The following HIVEP3 variants were observed in gnomAD, a reference collection of about 807,000 sequenced individuals.
HIVEP3 encodes the protein HIVEP zinc finger 3, also known as transcription factor HIVEP3.
HIVEP3 carries 49 observed loss-of-function variants against 152.8 expected under a neutral mutation model. The observed-to-expected ratio is 0.32, with a 90% confidence interval of 0.26 to 0.41. The LOEUF is 0.41. Ranked by LOEUF, HIVEP3 falls within the 10% of genes least tolerant of loss-of-function variation. The pLI is 1.00. For missense variants in HIVEP3, 2,790 were observed against 3,103.3 expected, an observed-to-expected ratio of 0.90 and a Z score of 2.40; for synonymous variants, 1,269 against 1,289.0, an observed-to-expected ratio of 0.98 and a Z score of 0.33.
chr1:41,935,054 T>G (rs1359027052), intron 1 of HIVEP3, among the ~76,000 whole-genome samples: 1 of 152,192 alleles, frequency 6.6e-6, no homozygotes, highest in African/African-American at 2.4e-5. Context: ...TTATTTATTC[T>G]AGTTTCCCCA....
intron 1 of HIVEP3, among the ~76,000 whole-genome samples, chr1:41,959,910 G>T (rs754724000): frequency 5.9e-5 from 9 of 152,110 alleles, no homozygotes; most frequent in Admixed American, 1.3e-4. Flanking sequence ...TGTCTTACTG[G>T]CAAGGGGGTA....
intron 2 of HIVEP3, among the ~76,000 whole-genome samples, chr1:41,690,895 G>A (rs1482513268): frequency 6.6e-6 from 1 of 152,184 alleles, no homozygotes; most frequent in African/African-American, 2.4e-5. Context: ...TCCAGCCTGG[G>A]TGACAAGAGT....
chr1:41,789,450 T>G (rs147258950), intron 1 of HIVEP3, among the ~76,000 whole-genome samples: 2,252 of 152,316 alleles, frequency 0.015, 23 homozygotes, highest in Non-Finnish European at 0.019. Context: ...AGCTGTGAGT[T>G]TATTTTACAC....
intron 1 of HIVEP3, among the ~76,000 whole-genome samples, chr1:41,729,339 T>A (rs1488591623): frequency 6.6e-6 from 1 of 152,184 alleles, no homozygotes; most frequent in Non-Finnish European, 1.5e-5. Flanking sequence ...TTGAGGCAAC[T>A]CACTCCAACT....
intron 3 of HIVEP3, among the ~76,000 whole-genome samples, chr1:41,602,058 T>C (rs1419801456): frequency 6.6e-6 from 1 of 152,228 alleles, no homozygotes; most frequent in Non-Finnish European, 1.5e-5. Flanking sequence ...TTAACTTTTG[T>C]ATATTGAACC....
chr1:41,654,578 C>G (rs1645602690), intron 2 of HIVEP3, among the ~76,000 whole-genome samples: 1 of 152,198 alleles, frequency 6.6e-6, no homozygotes. Context: ...TCTTACATAA[C>G]AAGGTATATT....
chr1:41,765,203 C>T (rs971442926), intron 1 of HIVEP3, among the ~76,000 whole-genome samples: 14 of 152,296 alleles, frequency 9.2e-5, no homozygotes, highest in Non-Finnish European at 2.9e-5. Flanking sequence ...AATTAATTAA[C>T]GTTTTCCCTC....
At chr1:41,925,343 T>C (rs1316314055) in intron 1 of HIVEP3, among the ~76,000 whole-genome samples, 2 of 152,176 alleles carry the variant, frequency 1.3e-5, no homozygotes, top group African/African-American at 4.8e-5. Flanking sequence ...AGTGATACCA[T>C]AAACAGTCAA....
Position 41,584,506 on chromosome 1 carries a change from G to A in HIVEP3, c.292C>T (p.His98Tyr). The part of the protein sequence containing the change: ...ASVHISQLPQ[H>Y]PLTPAFMSPG... ...GACATGAATGCTGGTGTCAGAGGGT[G>A]CTGCGGAAGCTGTGAGATGTGGACG... The change falls in exon 4 of 9, where the codon CAC (histidine) becomes TAC (tyrosine). Residue 98 changes from histidine to tyrosine, a missense_variant. Transcript: ENST00000372583. The surrounding 1 kb of genome is among the most constrained non-coding windows in gnomAD (Gnocchi z 5.2). The A allele has an allele frequency of 6.2e-7, 1 of 1,614,170 alleles. No individual in the cohort carries two copies. Among genetic ancestry groups the A allele is most frequent in the Non-Finnish European group, 8.5e-7 (1 of 1,180,038 alleles).
intron 1 of HIVEP3, among the ~76,000 whole-genome samples, chr1:42,002,205 G>A (rs1182465605): frequency 1.3e-5 from 2 of 152,088 alleles, no homozygotes; most frequent in Middle Eastern, 3.2e-3. Flanking sequence ...ATACCAAGAT[G>A]GGACCAAATT....
At chr1:41,606,257 C>T (rs1201095820) in intron 3 of HIVEP3, among the ~76,000 whole-genome samples, 8 of 151,900 alleles carry the variant, frequency 5.3e-5, no homozygotes, top group Non-Finnish European at 1.0e-4. Context: ...ACTTAAATTG[C>T]GATTTTCTGA....
chr1:41,581,571 G>A lies in HIVEP3; in HGVS notation c.3227C>T (p.Ser1076Phe), dbSNP rs1422416661. The change falls in exon 4 of 9, where the codon TCC (serine) becomes TTC (phenylalanine). Residue 1076 changes from serine (S) to phenylalanine (F), a missense_variant. Ser to Phe is a radical substitution (Grantham distance 155). This residue lies in a region of HIVEP3 where 1,078 missense variants were observed against 1,165.3 expected (regional missense o/e 0.93). Transcript: ENST00000372583. This position sits in a 1 kb window ranked among gnomAD's most constrained non-coding sequence, Gnocchi z 4.5. ...RQESEEPQPS[S>F]SKPSAKSSLS... ...TGAGCTTTTGGCAGAGGGTTTACTG[G>A]ATGAGGGCTGTGGTTCTTCGCTCTC... 4 of 1,611,620 alleles carry A rather than the reference G, an allele frequency of 2.5e-6. No homozygotes were observed. Among genetic ancestry groups the A allele is most frequent in the Non-Finnish European group, 3.4e-6 (4 of 1,179,092 alleles).
At chr1:41,592,483 A>G (rs1644602004) in intron 3 of HIVEP3, among the ~76,000 whole-genome samples, 1 of 152,246 alleles carries the variant, frequency 6.6e-6, no homozygotes, top group Non-Finnish European at 1.5e-5. Flanking sequence ...GCTGAGGAGA[A>G]TTCCACATGG....
chr1:41,581,613 G>A lies in HIVEP3; in HGVS notation c.3185C>T (p.Ala1062Val). ...TTCGCTCTCCTGTCTTCCCTTGGGG[G>A]CAACCTCCAACTCAGATTCTGGAGG... ...SRPPESELEV[A>V]PKGRQESEEP... The change falls in exon 4 of 9, where the codon GCC becomes GTC. Residue 1062 changes from alanine to valine, a missense_variant. This residue lies in a region of HIVEP3 where 1,078 missense variants were observed against 1,165.3 expected (regional missense o/e 0.93). Coordinates refer to ENST00000372583, the MANE Select transcript of HIVEP3 (RefSeq NM_024503.5). The surrounding 1 kb of genome is among the most constrained non-coding windows in gnomAD (Gnocchi z 4.5). The A allele has an allele frequency of 6.2e-7, 1 of 1,614,100 alleles. No individual in the cohort carries two copies. The highest frequency in any genetic ancestry group is 8.5e-7 in the Non-Finnish European group (1 of 1,180,004).
chr1:42,010,725 A>G (rs1270754986), intron 1 of HIVEP3, among the ~76,000 whole-genome samples: 1 of 152,182 alleles, frequency 6.6e-6, no homozygotes, highest in African/African-American at 2.4e-5. Flanking sequence ...AAAATCATTC[A>G]TAAGTTCAGA....
At chr1:41,864,330 C>T (rs1392797250) in intron 1 of HIVEP3, among the ~76,000 whole-genome samples, 1 of 152,210 alleles carries the variant, frequency 6.6e-6, no homozygotes, top group Admixed American at 6.5e-5. Flanking sequence ...AGACAATCAT[C>T]TCCCCATCCT....
At position 41,533,591 on chromosome 1, in the gene HIVEP3, G is replaced by A. The variant is rs781383478; in HGVS notation, c.5208-8681C>T. Among the ~76,000 whole-genome samples the A allele has an allele frequency of 6.6e-6, 1 of 152,102 alleles. No homozygotes were observed. Among genetic ancestry groups the A allele is most frequent in the Non-Finnish European group, 1.5e-5 (1 of 68,024 alleles). On this transcript the variant is annotated intron_variant, in intron 5 of 8. Transcript: ENST00000372583. The surrounding 1 kb of genome is among the most constrained non-coding windows in gnomAD (Gnocchi z 4.3). ...TGCCAAGGTCACAGCTTGCTCCATT[G>A]AAAGTCCATTTGCCTCATCCTGTCC... is the stretch of plus-strand genomic sequence containing the variant.
At chr1:41,706,245 ATTG>A (rs1175879766) in intron 1 of HIVEP3, among the ~76,000 whole-genome samples, 1 of 152,072 alleles carries the variant, frequency 6.6e-6, no homozygotes, top group African/African-American at 2.4e-5. Flanking sequence ...CCCAGTGTTT[ATTG>A]TTCTCATCGT....
At chr1:41,695,738 G>A (rs1646263869) in intron 2 of HIVEP3, among the ~76,000 whole-genome samples, 1 of 152,210 alleles carries the variant, frequency 6.6e-6, no homozygotes, top group South Asian at 2.1e-4. Flanking sequence ...AGCCTGCCAT[G>A]GTTAGATTTG....
Sources: gnomAD v4.1 joint callset for allele counts (sites outside exome capture counted in the v4.1 genomes callset) on GRCh38, gnomAD v4.1.1 for gene constraint, gnomAD v4.1.1 regional missense constraint, Gnocchi (gnomAD v3.1) non-coding constraint, MANE v1.5 for transcripts, NCBI Gene and HGNC (gene_info 2026-07-23, HGNC 2026-07-21) for gene names.